Variants in IFTAP observed in about 807,000 individuals in gnomAD.
IFTAP encodes intraflagellar transport-associated protein.
Under a neutral mutation model 19.4 loss-of-function variants are expected in IFTAP, and 19 were observed. The observed-to-expected ratio is 0.98, with a 90% CI of 0.68 to 1.44. IFTAP has a LOEUF of 1.44. IFTAP is among the 40% of genes most tolerant of loss of function. The pLI is 0.00. For synonymous variants in IFTAP, 85 were observed against 83.5 expected (o/e 1.02, Z -0.10); for missense variants, 240 against 253.6 (o/e 0.95, Z 0.36).
At chr11:36,607,704 G>A (rs963506326) in intron 1 of IFTAP, among the ~76,000 whole-genome samples, 7 of 151,562 alleles carry the variant, frequency 4.6e-5, no homozygotes, top group Admixed American at 1.3e-4. Context: ...ACAGAGTTTC[G>A]CTCTTGTTGC....
chr11:36,606,355 C>T (rs1011998760), intron 1 of IFTAP, among the ~76,000 whole-genome samples: 14 of 152,054 alleles, frequency 9.2e-5, no homozygotes, highest in South Asian at 6.2e-4. Context: ...CCCAGCTACT[C>T]GGGAGGCTGA....
intron 2 of IFTAP, among the ~76,000 whole-genome samples, chr11:36,610,526 G>T (rs1851844360): frequency 6.6e-6 from 1 of 152,002 alleles, no homozygotes; most frequent in African/African-American, 2.4e-5. Context: ...TTTTAAGAAA[G>T]CCAAATGCAA....
intron 1 of IFTAP, among the ~76,000 whole-genome samples, chr11:36,597,214 TC>T (rs1189583615): frequency 6.6e-6 from 1 of 152,232 alleles, no homozygotes; most frequent in African/African-American, 2.4e-5. Flanking sequence ...TTTTGCTTTA[TC>T]AACTTGAATA....
chr11:36,609,529 G>A (rs1037861926), intron 1 of IFTAP, among the ~76,000 whole-genome samples: 10 of 152,170 alleles, frequency 6.6e-5, no homozygotes, highest in African/African-American at 2.2e-4. Flanking sequence ...TAGGGAAGGG[G>A]GGGAGTGGAG....
Position 36,625,860 on chromosome 11 carries a change from G to A in IFTAP, c.137-7424G>A, listed in dbSNP as rs141654530. Among the ~76,000 whole-genome samples, 410 of 152,274 alleles carry A rather than the reference G, an allele frequency of 2.7e-3. 1 individual carries two copies. The highest frequency in any genetic ancestry group is 6.8e-3 in the Middle Eastern group (2 of 294). Reference sequence around the variant, plus strand: ...TCTGGGAAGGTAAAATTTGAATAAAGTTGGAATGAGGTGAGTCTGCAGATA... The same window carrying A: ...TCTGGGAAGGTAAAATTTGAATAAAATTGGAATGAGGTGAGTCTGCAGATA... On this transcript the variant is annotated intron_variant, in intron 2 of 5. Coordinates refer to ENST00000334307, the MANE Select transcript of IFTAP (RefSeq NM_138787.4).
intron 2 of IFTAP, among the ~76,000 whole-genome samples, chr11:36,621,821 T>C (rs1018080690): frequency 1.3e-5 from 2 of 152,024 alleles, no homozygotes; most frequent in Non-Finnish European, 2.9e-5. Flanking sequence ...GATGGTGTGA[T>C]TCCCAAATGC....
At chr11:36,612,126 T>C (rs1213673413) in intron 2 of IFTAP, among the ~76,000 whole-genome samples, 2 of 152,108 alleles carry the variant, frequency 1.3e-5, no homozygotes, top group African/African-American at 2.4e-5. Context: ...AGGGGTCTTA[T>C]TCTGTTTTCG....
At chr11:36,621,555 C>T (rs1342195587) in intron 2 of IFTAP, among the ~76,000 whole-genome samples, 1 of 151,886 alleles carries the variant, frequency 6.6e-6, no homozygotes, top group Non-Finnish European at 1.5e-5. Context: ...CTTTTGCATT[C>T]AATTTTGTTG....
chr11:36,658,254 C>A (rs921567219), intron 5 of IFTAP, among the ~76,000 whole-genome samples: 3 of 152,072 alleles, frequency 2.0e-5, no homozygotes, highest in African/African-American at 2.4e-5. Flanking sequence ...TATCACACAC[C>A]ATTTGTTTTT....
chr11:36,627,587 A>C (rs139767989), intron 2 of IFTAP, among the ~76,000 whole-genome samples: 1 of 151,458 alleles, frequency 6.6e-6, no homozygotes, highest in Non-Finnish European at 1.5e-5. Flanking sequence ...TGGATGTAAC[A>C]GATTCTACCT....
intron 5 of IFTAP, among the ~76,000 whole-genome samples, chr11:36,652,361 A>G (rs865906998): frequency 6.6e-6 from 1 of 152,136 alleles, no homozygotes; most frequent in African/African-American, 2.4e-5. Context: ...TTTGTCTGTT[A>G]TTGGTGTATA....
Position 36,638,418 on chromosome 11 carries a change from C to T in IFTAP, c.358+2301C>T, listed in dbSNP as rs540853580. 2.6e-5 allele frequency among the ~76,000 whole-genome samples: 4 copies of T among 152,272 alleles called. No individual in the cohort carries two copies. The South Asian group carries it at 8.3e-4, about 32-fold the overall frequency. Reference sequence around the variant, plus strand: ...TGAACCAAGACTTGAATGAACTCGTCAAGACCTTCCCACACATAGAATGAT... The same window carrying T: ...TGAACCAAGACTTGAATGAACTCGTTAAGACCTTCCCACACATAGAATGAT... On this transcript the variant is annotated intron_variant, in intron 4 of 5. Transcript: ENST00000334307.
At chr11:36,618,054 T>C (rs1369405501) in intron 2 of IFTAP, among the ~76,000 whole-genome samples, 1 of 152,026 alleles carries the variant, frequency 6.6e-6, no homozygotes, top group African/African-American at 2.4e-5. Flanking sequence ...CATTTTAATT[T>C]TTATCATTTT....
chr11:36,609,947 A>G (rs1202607061), intron 1 of IFTAP, 134 bp from the exon 2 acceptor site: 3 of 701,040 alleles, frequency 4.3e-6, no homozygotes, highest in African/African-American at 3.7e-5. Flanking sequence ...CTCTTGAACT[A>G]GAGGTCACTG....
chr11:36,649,306 C>T (rs1853612584), intron 5 of IFTAP, among the ~76,000 whole-genome samples: 1 of 152,102 alleles, frequency 6.6e-6, no homozygotes, highest in South Asian at 2.1e-4. Context: ...TTATATTAAA[C>T]TCCCAAATTG....
intron 1 of IFTAP, among the ~76,000 whole-genome samples, chr11:36,604,130 T>G (rs1851606714): frequency 6.6e-6 from 1 of 152,192 alleles, no homozygotes; most frequent in African/African-American, 2.4e-5. Context: ...TAAGACATAC[T>G]TCTATTACTG....
chr11:36,652,562 T>A (rs1013349657), intron 5 of IFTAP, among the ~76,000 whole-genome samples: 3 of 152,184 alleles, frequency 2.0e-5, no homozygotes, highest in African/African-American at 4.8e-5. Context: ...CCTGCCTGAT[T>A]GCCCTGGCCA....
chr11:36,599,692 C>G (rs1319629275), intron 1 of IFTAP, among the ~76,000 whole-genome samples: 1 of 152,078 alleles, frequency 6.6e-6, no homozygotes, highest in African/African-American at 2.4e-5. Flanking sequence ...TGATTCTCAT[C>G]ATTTGAAATG....
intron 2 of IFTAP, among the ~76,000 whole-genome samples, chr11:36,622,093 T>A (rs1852317459): frequency 6.6e-6 from 1 of 151,134 alleles, no homozygotes. Context: ...ATTTTTTATT[T>A]TTTTTTTTGT....
Sources: allele counts gnomAD v4.1 joint callset (sites outside exome capture counted in the v4.1 genomes callset), GRCh38; gene constraint gnomAD v4.1.1; transcripts MANE v1.5; gene names NCBI Gene and HGNC (gene_info 2026-07-23, HGNC 2026-07-21).